The following NDFIP2 variants were observed in gnomAD, a reference collection of about 807,000 sequenced individuals.
The protein encoded by NDFIP2 is NEDD4 family-interacting protein 2.
NDFIP2 carries 19 observed loss-of-function variants against 36.0 expected under a neutral mutation model. The observed-to-expected ratio is 0.53, with a 90% CI of 0.37 to 0.77. NDFIP2 has a LOEUF of 0.77. NDFIP2 is among the 30% of genes least tolerant of loss of function. NDFIP2 has a pLI of 0.00. For missense variants in NDFIP2, 446 were observed against 435.8 expected (o/e 1.02, Z -0.21); for synonymous variants, 181 against 167.7 (o/e 1.08, Z -0.61).
At chr13:79,535,830 T>C (rs1454496891) in intron 3 of NDFIP2, among the ~76,000 whole-genome samples, 1 of 152,224 alleles carries the variant, frequency 6.6e-6, no homozygotes, top group African/African-American at 2.4e-5. Flanking sequence ...TAGCTCAATT[T>C]AGCCACTCCA....
At chr13:79,523,858 T>C (rs1874687701) in intron 2 of NDFIP2, among the ~76,000 whole-genome samples, 1 of 152,228 alleles carries the variant, frequency 6.6e-6, no homozygotes, top group South Asian at 2.1e-4. Context: ...ACGATGTCGA[T>C]GAGTATGGAT....
intron 2 of NDFIP2, among the ~76,000 whole-genome samples, chr13:79,528,655 CT>C (rs1208035789): frequency 3.3e-5 from 5 of 152,114 alleles, no homozygotes; most frequent in Non-Finnish European, 7.4e-5. Flanking sequence ...CATATTTTTA[CT>C]GTACTTTTTC....
At chr13:79,481,615 CTG>C in intron 1 of NDFIP2, 91 bp downstream of exon 1, 1 of 1,413,324 alleles carries the variant, frequency 7.1e-7, no homozygotes, top group Non-Finnish European at 9.5e-7. Flanking sequence ...GGAGGAAAAG[CTG>C]TGGCTTTTTT....
In NDFIP2 at chr13:79,481,294, G is replaced by A; in HGVS notation, c.91G>A (p.Ala31Thr). 6.5e-7 allele frequency: 1 copy of A among 1,539,898 alleles called. No homozygotes were observed. Among genetic ancestry groups the A allele is most frequent in the Non-Finnish European group, 8.7e-7 (1 of 1,146,322 alleles). Residue 31 changes from alanine to threonine, a missense_variant, in exon 1 of 8, where the codon GCG (alanine) becomes ACG (threonine). By Grantham distance (58) the Ala-to-Thr change is moderately conservative. Transcript: ENST00000218652. ...RGAPELLRGT[A>T]TNAEVSAAAA... The stretch of plus-strand genomic sequence containing the variant: ...CGCCCCGGAGCTTCTCCGCGGAACC[G>A]CGACCAACGCGGAGGTCTCGGCGGC...
chr13:79,549,964 G>T (rs532881510), intron 6 of NDFIP2, among the ~76,000 whole-genome samples: 19 of 151,700 alleles, frequency 1.3e-4, no homozygotes, highest in African/African-American at 4.6e-4. Flanking sequence ...CTACACACAT[G>T]CTTCTTGTTT....
intron 1 of NDFIP2, among the ~76,000 whole-genome samples, chr13:79,481,889 C>T (rs1177292699): frequency 6.6e-6 from 1 of 152,114 alleles, no homozygotes; most frequent in Non-Finnish European, 1.5e-5. Flanking sequence ...CGATTGTCTA[C>T]TGGAAATGGG....
intron 3 of NDFIP2, among the ~76,000 whole-genome samples, chr13:79,534,784 A>G (rs1014832344): frequency 1.1e-4 from 16 of 152,138 alleles, no homozygotes; most frequent in African/African-American, 3.9e-4. Flanking sequence ...TCTAGCTGCT[A>G]TGAGGTCAGA....
rs1335123745 is a variant in NDFIP2 at position 79,555,000 on chromosome 13, C to T, written c.*2487C>T. The T allele has an allele frequency of 6.6e-6, 1 of 151,568 alleles. No homozygotes were observed. Among genetic ancestry groups the T allele is most frequent in the Non-Finnish European group, 1.5e-5 (1 of 67,778 alleles). 9.4% of individuals were successfully genotyped at this position (151,568 alleles called of 1,614,324 possible). A position where few individuals can be genotyped will look rare whatever the true frequency, so the allele number is the denominator to read the frequency against. On this transcript the variant is annotated 3_prime_UTR_variant, in exon 8 of 8. Coordinates refer to ENST00000218652, the MANE Select transcript of NDFIP2 (RefSeq NM_019080.3). ...GATTTTAGAAACTTAGATTAAAATA[C>T]AAATCCCATTACATTTGGTTAAAAT...
intron 1 of NDFIP2, among the ~76,000 whole-genome samples, chr13:79,511,703 A>G (rs923137736): frequency 3.2e-4 from 48 of 152,198 alleles, no homozygotes; most frequent in African/African-American, 1.0e-3. Flanking sequence ...AGCCAATTCT[A>G]TGCCCTAAAC....
intron 1 of NDFIP2, among the ~76,000 whole-genome samples, chr13:79,509,310 A>G (rs1873986861): frequency 6.6e-6 from 1 of 152,132 alleles, no homozygotes; most frequent in Non-Finnish European, 1.5e-5. Flanking sequence ...TGGGGACTTC[A>G]GGTCATAGGT....
rs1331795517 is a variant in NDFIP2 at position 79,520,930 on chromosome 13, C to T, written c.442C>T (p.Pro148Ser). The change falls in exon 2 of 8, where the codon CCT becomes TCT. Residue 148 changes from proline to serine, a missense_variant. Pro to Ser is a moderately conservative substitution (Grantham distance 74). Coordinates refer to ENST00000218652, the MANE Select transcript of NDFIP2 (RefSeq NM_019080.3). ...SAPALETDSS[P>S]PPYSSITVEV... The stretch of plus-strand genomic sequence containing the variant: ...ACCAGCACTTGAAACTGACTCTTCC[C>T]CTCCACCATATAGTAGTATTACTGT... The T allele has an allele frequency of 1.7e-5, 27 of 1,613,690 alleles. No homozygotes were observed. The highest frequency in any genetic ancestry group is 2.2e-5 in the Non-Finnish European group (26 of 1,179,702).
rs969802630 is a variant in NDFIP2, at chr13:79,509,664, A to G, written c.322-11146A>G. 3.5e-5 allele frequency among the ~76,000 whole-genome samples: 5 copies of G among 141,848 alleles called. No homozygotes were observed. The Admixed American group carries it at 3.7e-4, about 10-fold the overall frequency. The allele number at this position is 141,848 out of a possible 152,430, so 93.1% of individuals were successfully genotyped here. A position where few individuals can be genotyped will look rare whatever the true frequency, so the allele number is the denominator to read the frequency against. On this transcript the variant is annotated intron_variant, in intron 1 of 7. Coordinates refer to ENST00000218652, the MANE Select transcript of NDFIP2 (RefSeq NM_019080.3). ...TCTCTAGAGGAACAGAACTAATAGG[A>G]TGTATATTATCGATATATATATATA... is the stretch of plus-strand genomic sequence containing the variant.
chr13:79,493,243 A>T (rs1430732317), intron 1 of NDFIP2, among the ~76,000 whole-genome samples: 1 of 152,218 alleles, frequency 6.6e-6, no homozygotes, highest in Non-Finnish European at 1.5e-5. Flanking sequence ...GTGCATGGCG[A>T]TACTGGTATA....
chr13:79,509,128 G>A (rs1390630186), intron 1 of NDFIP2, among the ~76,000 whole-genome samples: 1 of 152,134 alleles, frequency 6.6e-6, no homozygotes. Context: ...CAAGCTTAAA[G>A]ACATGCCAGT....
At chr13:79,519,278 A>G (rs1030094669) in intron 1 of NDFIP2, 3 of 152,228 alleles carry the variant, frequency 2.0e-5, no homozygotes, top group Non-Finnish European at 4.4e-5. Flanking sequence ...TAATATGGAA[A>G]ACTAGTAGTT....
At chr13:79,505,811 A>G (rs1873843078) in intron 1 of NDFIP2, among the ~76,000 whole-genome samples, 2 of 152,092 alleles carry the variant, frequency 1.3e-5, no homozygotes, top group African/African-American at 4.8e-5. Flanking sequence ...AAAAGCCCTT[A>G]TGAATCATTG....
intron 1 of NDFIP2, among the ~76,000 whole-genome samples, chr13:79,512,179 A>C (rs1278182969): frequency 6.6e-6 from 1 of 152,220 alleles, no homozygotes; most frequent in African/African-American, 2.4e-5. Flanking sequence ...TGATTAAGGC[A>C]ACAAAACCTT....
rs1876037328 is a variant in NDFIP2, at chr13:79,554,611, A to G, written c.*2098A>G. 1 of 151,866 alleles carries G rather than the reference A, an allele frequency of 6.6e-6. No homozygotes were observed. 9.4% of individuals were successfully genotyped at this position (151,866 alleles called of 1,614,324 possible). On this transcript the variant is annotated 3_prime_UTR_variant, in exon 8 of 8. Transcript: ENST00000218652. ...ATTGGCATAATTCAATGGTAGCCTT[A>G]AATCTCATCATGTAAGCAGGGGAAT...
At chr13:79,530,250 A>G (rs1465670250) in intron 2 of NDFIP2, among the ~76,000 whole-genome samples, 2 of 152,002 alleles carry the variant, frequency 1.3e-5, no homozygotes, top group East Asian at 3.9e-4. Flanking sequence ...CAGCCTCCTG[A>G]GTAGCTGGTA....
Sources: gnomAD v4.1 joint callset for allele counts (sites outside exome capture counted in the v4.1 genomes callset) on GRCh38, gnomAD v4.1.1 for gene constraint, MANE v1.5 for transcripts, NCBI Gene and HGNC (gene_info 2026-07-23, HGNC 2026-07-21) for gene names.